Variants in NELL2 observed in about 807,000 individuals in gnomAD.
The protein encoded by NELL2 is neural EGFL like 2, also known as protein kinase C-binding protein NELL2.
NELL2 carries 41 observed loss-of-function variants against 109.6 expected under a neutral mutation model. The observed-to-expected ratio is 0.37, with a 90% CI of 0.29 to 0.49. The LOEUF is 0.49. Ranked by LOEUF, NELL2 falls within the 20% of genes least tolerant of loss-of-function variation. The pLI, the probability that NELL2 is intolerant of heterozygous loss-of-function variation, is 0.98. For synonymous variants in NELL2, 355 were observed against 344.7 expected (o/e 1.03, Z -0.33); for missense variants, 900 against 1,008.3 (o/e 0.89, Z 1.45).
Position 44,714,657 on chromosome 12 carries a change from T to C in NELL2, c.1079A>G (p.Glu360Gly). The stretch of plus-strand genomic sequence containing the variant: ...CACGAATAGTCTTCTTACCTTGCAC[T>C]CATAGAGAACACATACTCCAGAAGA... ...YSSSGVCVLY[E>G]CKDQTMKLVE... Residue 360 changes from glutamate to glycine, a missense_variant, in exon 10 of 20, where the codon GAG (glutamate) becomes GGG (glycine). Around this residue, in one of 4 missense-constraint regions of NELL2, gnomAD observed 292 missense variants for 265.3 expected, o/e 1.10. Coordinates refer to ENST00000429094, the MANE Select transcript of NELL2 (RefSeq NM_001145108.2). 1 of 1,586,916 alleles carries C rather than the reference T, an allele frequency of 6.3e-7. No individual in the cohort carries two copies. Among genetic ancestry groups the C allele is most frequent in the Non-Finnish European group, 8.6e-7 (1 of 1,168,014 alleles).
chr12:44,874,233 C>A (rs1592692386), intron 2 of NELL2, among the ~76,000 whole-genome samples: 2 of 152,280 alleles, frequency 1.3e-5, no homozygotes, highest in Middle Eastern at 6.8e-3. Flanking sequence ...ACTTTCAAAG[C>A]CATGGCACCA....
intron 12 of NELL2, among the ~76,000 whole-genome samples, chr12:44,693,617 CT>C (rs1279009273): frequency 6.6e-6 from 1 of 152,108 alleles, no homozygotes; most frequent in Non-Finnish European, 1.5e-5. Flanking sequence ...TTAAAATGTC[CT>C]TTTCTCTTAT....
At chr12:44,786,453 T>C (rs1237534970) in intron 3 of NELL2, among the ~76,000 whole-genome samples, 2 of 152,194 alleles carry the variant, frequency 1.3e-5, no homozygotes, top group Non-Finnish European at 2.9e-5. Context: ...GCAACCTTTG[T>C]GGAAGACAGT....
At chr12:44,675,755 A>C (rs1210828535) in intron 12 of NELL2, among the ~76,000 whole-genome samples, 1 of 152,156 alleles carries the variant, frequency 6.6e-6, no homozygotes, top group Non-Finnish European at 1.5e-5. Context: ...AAAATGGGAA[A>C]GGTTTTAAGA....
At chr12:44,537,130 T>C (rs183993388) in intron 15 of NELL2, among the ~76,000 whole-genome samples, 160 of 152,150 alleles carry the variant, frequency 1.1e-3, no homozygotes, top group African/African-American at 3.7e-3. Flanking sequence ...CTGGTTGTTC[T>C]GTACAACACC....
intron 9 of NELL2, among the ~76,000 whole-genome samples, chr12:44,748,963 A>G (rs1461019223): frequency 6.6e-6 from 1 of 152,182 alleles, no homozygotes; most frequent in African/African-American, 2.4e-5. Context: ...TTTACAGACT[A>G]TAAAAGGCAA....
chr12:44,833,147 T>G (rs1026509192), intron 2 of NELL2, among the ~76,000 whole-genome samples: 3 of 152,192 alleles, frequency 2.0e-5, no homozygotes, highest in Admixed American at 6.5e-5. Context: ...ATGTTTTGCT[T>G]TTTGTTTTCT....
At chr12:44,527,384 A>G (rs1327877043) in intron 16 of NELL2, among the ~76,000 whole-genome samples, 1 of 152,246 alleles carries the variant, frequency 6.6e-6, no homozygotes, top group Non-Finnish European at 1.5e-5. Context: ...GGGATGGATA[A>G]GGAAAATAGG....
At chr12:44,764,533 G>A (rs757857218) in intron 9 of NELL2, among the ~76,000 whole-genome samples, 17 of 152,072 alleles carry the variant, frequency 1.1e-4, no homozygotes, top group Admixed American at 2.0e-4. Flanking sequence ...TAAAATCCTT[G>A]ATGTCTCCAG....
At chr12:44,731,619 G>A (rs962578087) in intron 9 of NELL2, among the ~76,000 whole-genome samples, 50 of 152,098 alleles carry the variant, frequency 3.3e-4, no homozygotes, top group African/African-American at 9.6e-4. Flanking sequence ...AGTCATACAT[G>A]AAAAGCCCAT....
chr12:44,822,980 C>A (rs1943593580), intron 2 of NELL2, among the ~76,000 whole-genome samples: 1 of 151,934 alleles, frequency 6.6e-6, no homozygotes, highest in Non-Finnish European at 1.5e-5. Flanking sequence ...GAGAAAGAAT[C>A]TGACTTACTT....
At chr12:44,775,746 T>C (rs1378725652) in intron 8 of NELL2, among the ~76,000 whole-genome samples, 2 of 152,230 alleles carry the variant, frequency 1.3e-5, no homozygotes, top group Non-Finnish European at 2.9e-5. Context: ...TAGTCTTCTT[T>C]AGGAATCACT....
chr12:44,888,815 G>A (rs928561090), intron 1 of NELL2, among the ~76,000 whole-genome samples: 1 of 151,318 alleles, frequency 6.6e-6, no homozygotes, highest in African/African-American at 2.4e-5. Flanking sequence ...TGTGAATGTG[G>A]AATCATGATA....
intron 2 of NELL2, among the ~76,000 whole-genome samples, chr12:44,835,743 G>A (rs1444345386): frequency 6.6e-6 from 1 of 152,210 alleles, no homozygotes; most frequent in Admixed American, 6.5e-5. Context: ...TAATCCAACA[G>A]GGTAAACTTG....
intron 1 of NELL2, among the ~76,000 whole-genome samples, chr12:44,886,850 A>G (rs1411075974): frequency 1.3e-5 from 2 of 151,920 alleles, no homozygotes; most frequent in African/African-American, 2.4e-5. Flanking sequence ...AAGCAACAAT[A>G]TAATCTCTGT....
At chr12:44,854,692 A>ATGGGTGGG (rs1566537667) in intron 2 of NELL2, among the ~76,000 whole-genome samples, 1 of 116,030 alleles carries the variant, frequency 8.6e-6, no homozygotes, top group African/African-American at 2.8e-5. Flanking sequence ...GGGTGGATGG[A>ATGGGTGGG]TGGGTGGATG....
intron 1 of NELL2, among the ~76,000 whole-genome samples, chr12:44,919,419 C>T (rs1945853026): frequency 6.6e-6 from 1 of 152,032 alleles, no homozygotes; most frequent in South Asian, 2.1e-4. Flanking sequence ...GTGGGTTGCA[C>T]TGTGTTCCCC....
intron 13 of NELL2, among the ~76,000 whole-genome samples, chr12:44,618,091 T>G: frequency 6.6e-6 from 1 of 152,286 alleles, no homozygotes; most frequent in Middle Eastern, 3.4e-3. Flanking sequence ...AAAATTTTAC[T>G]TACTACCATG....
chr12:44,634,277 C>A (rs781472152), intron 13 of NELL2, among the ~76,000 whole-genome samples: 52 of 152,058 alleles, frequency 3.4e-4, no homozygotes, highest in Admixed American at 5.9e-4. Flanking sequence ...CACCCATCAA[C>A]CCGTCATCTA....
Sources: gnomAD v4.1 joint callset for allele counts (sites outside exome capture counted in the v4.1 genomes callset) on GRCh38, gnomAD v4.1.1 for gene constraint, gnomAD v4.1.1 regional missense constraint, MANE v1.5 for transcripts, NCBI Gene and HGNC (gene_info 2026-07-23, HGNC 2026-07-21) for gene names.